ZDHHC17: variants seen among roughly 807,000 people sequenced by gnomAD.
ZDHHC17 encodes the protein zDHHC palmitoyltransferase 17, also known as palmitoyltransferase ZDHHC17.
Under a neutral mutation model 90.3 loss-of-function variants are expected in ZDHHC17, and 40 were observed. That is an observed-to-expected ratio of 0.44 (90% CI 0.34 to 0.58). The LOEUF (loss-of-function observed/expected upper bound fraction) is 0.58, where lower values mean the gene tolerates loss of function less well. ZDHHC17 is among the 20% of genes least tolerant of loss of function. The pLI, the probability that ZDHHC17 is intolerant of heterozygous loss-of-function variation, is 0.01. For missense variants in ZDHHC17, 614 were observed against 780.8 expected, an observed-to-expected ratio of 0.79 and a Z score of 2.55; for synonymous variants, 235 against 252.4, an observed-to-expected ratio of 0.93 and a Z score of 0.65.
intron 10 of ZDHHC17, among the ~76,000 whole-genome samples, chr12:76,838,642 T>C (rs1354529050): frequency 6.6e-6 from 1 of 152,210 alleles, no homozygotes; most frequent in Non-Finnish European, 1.5e-5. Flanking sequence ...GCCTTAGAGA[T>C]AGAATGATGT....
At chr12:76,799,522 C>T (rs1952862502) in intron 2 of ZDHHC17, among the ~76,000 whole-genome samples, 1 of 152,194 alleles carries the variant, frequency 6.6e-6, no homozygotes. Context: ...CCAGGAAGAG[C>T]TTCAGACTTC....
chr12:76,800,538 A>G (rs774401313), intron 2 of ZDHHC17, among the ~76,000 whole-genome samples: 1 of 152,184 alleles, frequency 6.6e-6, no homozygotes, highest in Non-Finnish European at 1.5e-5. Flanking sequence ...TTAAATGTTC[A>G]ATGCTTTTAA....
intron 7 of ZDHHC17, among the ~76,000 whole-genome samples, chr12:76,818,300 T>G (rs1321555367): frequency 2.6e-5 from 4 of 152,160 alleles, no homozygotes; most frequent in Non-Finnish European, 4.4e-5. Context: ...AAAATGGGGA[T>G]CTGCCTCAGA....
intron 14 of ZDHHC17, among the ~76,000 whole-genome samples, chr12:76,847,938 T>G (rs1208808340): frequency 1.3e-5 from 2 of 152,212 alleles, no homozygotes; most frequent in Admixed American, 6.6e-5. Context: ...CTCTCATCTT[T>G]GTGTAAAGAA....
intron 3 of ZDHHC17, 126 bp from the exon 4 acceptor site, chr12:76,808,917 T>C (rs1457979718): frequency 2.0e-6 from 1 of 490,736 alleles, no homozygotes; most frequent in Non-Finnish European, 3.3e-6. Context: ...CAAAAGATTA[T>C]TTATTTTCAA....
intron 9 of ZDHHC17, among the ~76,000 whole-genome samples, chr12:76,828,177 T>TG (rs1280962334): frequency 2.6e-5 from 4 of 152,206 alleles, no homozygotes; most frequent in Non-Finnish European, 5.9e-5. Context: ...AATTTAAATT[T>TG]GGGGGGAATT....
At position 76,825,596 on chromosome 12, in the gene ZDHHC17, T is replaced by C. The variant is rs114032206; in HGVS notation, c.898-1312T>C. ...ATTAAAGCCTGAAATTGATGTTTAA[T>C]TATTACTCTAAGTTAAAATTACACA... On this transcript the variant is annotated intron_variant, in intron 8 of 16. Transcript: ENST00000426126. Among the ~76,000 whole-genome samples the C allele has an allele frequency of 3.2e-3, 490 of 152,220 alleles. 1 individual carries two copies. Among genetic ancestry groups the C allele is most frequent in the African/African-American group, 0.011 (467 of 41,524 alleles).
intron 13 of ZDHHC17, 137 bp downstream of exon 13, chr12:76,845,939 C>T (rs2137806514): frequency 2.1e-6 from 1 of 469,466 alleles, no homozygotes; most frequent in African/African-American, 2.0e-5. Flanking sequence ...TGGTTGACAA[C>T]ACAGCAACTC....
chr12:76,804,719 G>A lies in ZDHHC17; in HGVS notation c.198-598G>A, dbSNP rs1027682484. Among the ~76,000 whole-genome samples the A allele has an allele frequency of 9.9e-5, 15 of 152,248 alleles. No homozygotes were observed. The South Asian group carries it at 1.7e-3, about 17-fold the overall frequency. Reference sequence around the variant, plus strand: ...ATTGCAACCCCATAGTACTCGACCAGTGAGGAGCTGGGGGAGGGACTTGTG... The same window carrying A: ...ATTGCAACCCCATAGTACTCGACCAATGAGGAGCTGGGGGAGGGACTTGTG... On this transcript the variant is annotated intron_variant, in intron 2 of 16. Transcript: ENST00000426126.
At chr12:76,797,654 G>T (rs1453723088) in intron 2 of ZDHHC17, 117 bp downstream of exon 2, 2 of 749,180 alleles carry the variant, frequency 2.7e-6, no homozygotes, top group Non-Finnish European at 3.9e-6. Flanking sequence ...TAAAAAATTA[G>T]TTTATGGGCC....
At chr12:76,801,593 G>T (rs1490703173) in intron 2 of ZDHHC17, among the ~76,000 whole-genome samples, 1 of 152,034 alleles carries the variant, frequency 6.6e-6, no homozygotes, top group Non-Finnish European at 1.5e-5. Flanking sequence ...GGCGGAGCTT[G>T]CAGTGAGCCG....
chr12:76,832,888 T>C (rs1385304055), intron 10 of ZDHHC17, among the ~76,000 whole-genome samples: 1 of 152,260 alleles, frequency 6.6e-6, no homozygotes, highest in Admixed American at 6.5e-5. Context: ...TGTGCACATT[T>C]GGTGACTCAA....
At chr12:76,796,477 T>G (rs1952820748) in intron 1 of ZDHHC17, among the ~76,000 whole-genome samples, 1 of 152,074 alleles carries the variant, frequency 6.6e-6, no homozygotes, top group Non-Finnish European at 1.5e-5. Flanking sequence ...GATGTAATAT[T>G]CTTTGAAACT....
At chr12:76,772,609 A>T (rs1952507100) in intron 1 of ZDHHC17, among the ~76,000 whole-genome samples, 1 of 121,880 alleles carries the variant, frequency 8.2e-6, no homozygotes, top group Non-Finnish European at 1.7e-5. Flanking sequence ...ATCTCAGCTC[A>T]CTACAACCTC....
chr12:76,775,374 A>G (rs1334579646), intron 1 of ZDHHC17, among the ~76,000 whole-genome samples: 1 of 152,196 alleles, frequency 6.6e-6, no homozygotes, highest in South Asian at 2.1e-4. Context: ...CATAAACAAT[A>G]TTGTGATGAA....
intron 2 of ZDHHC17, among the ~76,000 whole-genome samples, chr12:76,802,131 G>T (rs1952898788): frequency 6.6e-6 from 1 of 152,142 alleles, no homozygotes; most frequent in African/African-American, 2.4e-5. Context: ...TTCTTGCAGG[G>T]CAGGTCCAGT....
In ZDHHC17 at chr12:76,827,073, T is replaced by C. The variant is rs1385600197; in HGVS notation, c.1040+23T>C. 4 of 1,539,286 alleles carry C rather than the reference T, an allele frequency of 2.6e-6. No individual in the cohort carries two copies. The African/African-American group carries it at 4.3e-5, about 17-fold the overall frequency. On this transcript the variant is annotated intron_variant, in intron 9 of 16. Coordinates refer to ENST00000426126, the MANE Select transcript of ZDHHC17 (RefSeq NM_015336.4). ...AAAGTAAGTGTGTTGTTTTTAACTA[T>C]ATTTTAAACTGTACATGAAATAATA...
At position 76,842,082 on chromosome 12, in the gene ZDHHC17, A is replaced by T. The variant is rs1012642535; in HGVS notation, c.1242A>T (p.Lys414Asn). 1.3e-6 allele frequency: 2 copies of T among 1,584,780 alleles called. No homozygotes were observed. The highest frequency in any genetic ancestry group is 2.7e-5 in the African/African-American group (2 of 73,062). Residue 414 changes from lysine (K) to asparagine (N), a missense_variant, in exon 11 of 17, where the codon AAA becomes AAT. Physicochemically the swap from Lys to Asn is moderately conservative, Grantham distance 94 (BLOSUM62 0). Around this residue, in one of 5 missense-constraint regions of ZDHHC17, gnomAD observed 117 missense variants for 183.6 expected, o/e 0.64. Coordinates refer to ENST00000426126, the MANE Select transcript of ZDHHC17 (RefSeq NM_015336.4). ...KSWKSDPGII[K>N]ATEEQKKKTI... ...GGAAATCAGATCCAGGGATTATTAA[A>T]GCAACAGAAGAGCAAAAGAAAAAGG...
chr12:76,786,835 CT>C (rs1952693615), intron 1 of ZDHHC17, among the ~76,000 whole-genome samples: 1 of 152,174 alleles, frequency 6.6e-6, no homozygotes, highest in East Asian at 1.9e-4. Flanking sequence ...AATTCTGTTA[CT>C]TCCTTCCTCA....
Sources: gnomAD v4.1 joint callset for allele counts (sites outside exome capture counted in the v4.1 genomes callset) on GRCh38, gnomAD v4.1.1 for gene constraint, gnomAD v4.1.1 regional missense constraint, MANE v1.5 for transcripts, NCBI Gene and HGNC (gene_info 2026-07-23, HGNC 2026-07-21) for gene names.